The following TSC22D1 variants were observed in gnomAD, a reference collection of about 807,000 sequenced individuals.
The protein encoded by TSC22D1 is TSC22 domain family protein 1.
In TSC22D1, 9 loss-of-function variants were observed where a neutral mutation model predicts 74.2. That is an observed-to-expected ratio of 0.12 (90% confidence interval 0.07 to 0.21). The LOEUF is 0.21. TSC22D1 is among the 10% of genes least tolerant of loss of function. The pLI, the probability that TSC22D1 is intolerant of heterozygous loss-of-function variation, is 1.00. For missense variants in TSC22D1, 1,427 were observed against 1,304.7 expected (o/e 1.09, Z -1.44); for synonymous variants, 586 against 492.5 (o/e 1.19, Z -2.51).
intron 1 of TSC22D1, among the ~76,000 whole-genome samples, chr13:44,563,801 G>A (rs9533910): frequency 0.11 from 16,354 of 152,100 alleles, 954 homozygotes; most frequent in Non-Finnish European, 0.12. Context: ...AAACTGTCTC[G>A]GCGAATTCAC....
chr13:44,486,934 G>A (rs931353765), intron 1 of TSC22D1, among the ~76,000 whole-genome samples: 5 of 152,046 alleles, frequency 3.3e-5, no homozygotes, highest in Non-Finnish European at 5.9e-5. Context: ...GAAGTAGTCA[G>A]AAGGAATTGT....
chr13:44,560,605 T>TA, intron 1 of TSC22D1, among the ~76,000 whole-genome samples: 1 of 152,220 alleles, frequency 6.6e-6, no homozygotes, highest in Non-Finnish European at 1.5e-5. Context: ...CCCTAAAAGG[T>TA]AAAAAAGTAT....
At position 44,573,865 on chromosome 13, in the gene TSC22D1, T is replaced by C. The variant is rs1426321261; in HGVS notation, c.2210A>G (p.Asn737Ser). The C allele has an allele frequency of 3.1e-6, 5 of 1,614,100 alleles. No individual in the cohort carries two copies. The highest frequency in any genetic ancestry group is 4.2e-6 in the Non-Finnish European group (5 of 1,180,036). ...GGGCTGCTGCACTGCAGTAGGTATG[T>C]TTGCTTGCTGACCAATATTTGCAAT... ...SQIANIGQQANIPTAVQQPST... is the reference protein window; with the variant it reads ...SQIANIGQQASIPTAVQQPST... Residue 737 changes from asparagine (N) to serine (S), a missense_variant, in exon 1 of 3, where the codon AAC becomes AGC. Around this residue, in one of 3 missense-constraint regions of TSC22D1, gnomAD observed 1,343 missense variants for 1,191.5 expected, o/e 1.13. Transcript: ENST00000458659.
chr13:44,569,823 A>C (rs1883633341), intron 1 of TSC22D1, among the ~76,000 whole-genome samples: 1 of 152,214 alleles, frequency 6.6e-6, no homozygotes, highest in African/African-American at 2.4e-5. Flanking sequence ...ATAAACTTTA[A>C]ATCATGACAA....
intron 1 of TSC22D1, chr13:44,437,273 G>A: frequency 1.0e-6 from 1 of 985,320 alleles, no homozygotes; most frequent in Non-Finnish European, 1.2e-6. Flanking sequence ...GAGCTACTGG[G>A]CATGCCCAGT....
chr13:44,535,717 G>T (rs1460462833), intron 1 of TSC22D1, among the ~76,000 whole-genome samples: 1 of 151,796 alleles, frequency 6.6e-6, no homozygotes, highest in Non-Finnish European at 1.5e-5. Context: ...CGTCAGTGAT[G>T]GTGAAACCAT....
Position 44,476,252 on chromosome 13 carries a change from T to C in TSC22D1, c.2913-40157A>G, listed in dbSNP as rs148949155. ...ATCCAACTTTCTACTTTAATAGTTA[T>C]ATAAGCTATATACAAACTGTAGGGA... On this transcript the variant is annotated intron_variant, in intron 1 of 2. Coordinates refer to ENST00000458659, the MANE Select transcript of TSC22D1 (RefSeq NM_183422.4). Among the ~76,000 whole-genome samples the C allele has an allele frequency of 8.5e-5, 13 of 152,324 alleles. No individual in the cohort carries two copies. In the East Asian group the frequency reaches 2.5e-3, roughly 29 times the overall value.
chr13:44,531,860 CT>C (rs1305591478), intron 1 of TSC22D1, among the ~76,000 whole-genome samples: 2 of 152,194 alleles, frequency 1.3e-5, no homozygotes, highest in African/African-American at 4.8e-5. Context: ...TGAATTAGAA[CT>C]TAGGCCATAT....
intron 1 of TSC22D1, among the ~76,000 whole-genome samples, chr13:44,491,606 A>T (rs958689333): frequency 5.3e-5 from 8 of 152,196 alleles, no homozygotes; most frequent in Non-Finnish European, 1.0e-4. Context: ...ATACATAAAG[A>T]GCTTCCGTAA....
chr13:44,500,215 C>CT (rs926677048), intron 1 of TSC22D1, among the ~76,000 whole-genome samples: 2 of 151,614 alleles, frequency 1.3e-5, no homozygotes, highest in African/African-American at 4.8e-5. Flanking sequence ...TCTTATTAAA[C>CT]TTTTTTTCTC....
intron 1 of TSC22D1, among the ~76,000 whole-genome samples, chr13:44,471,246 G>T (rs1444419750): frequency 1.3e-5 from 2 of 152,050 alleles, no homozygotes; most frequent in Non-Finnish European, 2.9e-5. Flanking sequence ...TATTAATCAA[G>T]ATAAAGTTAT....
chr13:44,558,510 C>T (rs1353919697), intron 1 of TSC22D1, among the ~76,000 whole-genome samples: 3 of 152,082 alleles, frequency 2.0e-5, no homozygotes, highest in Non-Finnish European at 4.4e-5. Flanking sequence ...GAGGCTGAGG[C>T]GGATGGACAG....
At chr13:44,485,324 T>A (rs982998846) in intron 1 of TSC22D1, among the ~76,000 whole-genome samples, 8 of 152,118 alleles carry the variant, frequency 5.3e-5, no homozygotes, top group Non-Finnish European at 1.2e-4. Context: ...CAGCTATGAA[T>A]CTAAAAGCAA....
intron 1 of TSC22D1, among the ~76,000 whole-genome samples, chr13:44,561,026 G>A (rs996739703): frequency 6.6e-6 from 1 of 152,096 alleles, no homozygotes; most frequent in African/African-American, 2.4e-5. Context: ...GTCCAAAAAA[G>A]GATCAGAAAT....
intron 1 of TSC22D1, among the ~76,000 whole-genome samples, chr13:44,439,040 A>G (rs1874973814): frequency 1.3e-5 from 2 of 152,368 alleles, no homozygotes; most frequent in Admixed American, 6.5e-5. Context: ...AACTGAATTT[A>G]TTCATGCCGT....
intron 1 of TSC22D1, among the ~76,000 whole-genome samples, chr13:44,439,729 T>C (rs1361879577): frequency 1.3e-5 from 2 of 152,252 alleles, no homozygotes; most frequent in African/African-American, 4.8e-5. Context: ...TATTTTCTAG[T>C]GTTGTCTGCC....
At position 44,575,275 on chromosome 13, in the gene TSC22D1, C is replaced by T. The variant is rs777421579; in HGVS notation, c.800G>A (p.Ser267Asn). The T allele has an allele frequency of 1.4e-5, 22 of 1,613,996 alleles. No homozygotes were observed. The Admixed American group carries it at 1.7e-4, about 12-fold the overall frequency. ...TGCAACTGGTGTGATACTGTCAGAG[C>T]TTCCAGTTGTAGAGAGTTTTCTAGA... The part of the protein sequence containing the change: ...PVSRKLSTTG[S>N]SDSITPVAPT... The change falls in exon 1 of 3, where the codon AGC becomes AAC. Residue 267 changes from serine (S) to asparagine (N), a missense_variant. Ser to Asn is a conservative substitution (Grantham distance 46). This residue lies in a region of TSC22D1 where 1,343 missense variants were observed against 1,191.5 expected (regional missense o/e 1.13). Transcript: ENST00000458659.
intron 1 of TSC22D1, among the ~76,000 whole-genome samples, chr13:44,470,280 A>G (rs1469558256): frequency 1.3e-5 from 2 of 152,202 alleles, no homozygotes; most frequent in Non-Finnish European, 2.9e-5. Flanking sequence ...GAAACACAGT[A>G]TCCACTAATG....
At chr13:44,453,470 A>C (rs925580754) in intron 1 of TSC22D1, among the ~76,000 whole-genome samples, 3 of 152,232 alleles carry the variant, frequency 2.0e-5, no homozygotes, top group African/African-American at 7.2e-5. Flanking sequence ...GGAAGAAAAT[A>C]ACTGTTTATA....
Sources: allele counts gnomAD v4.1 joint callset (sites outside exome capture counted in the v4.1 genomes callset), GRCh38; gene constraint gnomAD v4.1.1; regional missense constraint gnomAD v4.1.1; transcripts MANE v1.5; gene names NCBI Gene and HGNC (gene_info 2026-07-23, HGNC 2026-07-21).